Variants in CTNNA3 observed in about 807,000 individuals in gnomAD.
The protein encoded by CTNNA3 is catenin alpha-3.
CTNNA3 carries 76 observed loss-of-function variants against 95.7 expected under a neutral mutation model. The observed-to-expected ratio is 0.79, with a 90% CI of 0.66 to 0.96. The LOEUF is 0.96. Among genes scored for constraint, CTNNA3 ranks in the 40% least tolerant of loss-of-function variants. The pLI, the probability that CTNNA3 is intolerant of heterozygous loss-of-function variation, is 0.00. For synonymous variants in CTNNA3, 431 were observed against 374.4 expected (o/e 1.15, Z -1.74); for missense variants, 1,191 against 1,089.8 (o/e 1.09, Z -1.31).
chr10:66,918,717 T>G (rs982243211), intron 7 of CTNNA3, among the ~76,000 whole-genome samples: 2 of 152,186 alleles, frequency 1.3e-5, no homozygotes, highest in African/African-American at 2.4e-5. Flanking sequence ...CAAACCTACT[T>G]GAAGAACTTG....
At chr10:66,750,186 TTA>T (rs1440998941) in intron 9 of CTNNA3, among the ~76,000 whole-genome samples, 2 of 152,350 alleles carry the variant, frequency 1.3e-5, no homozygotes, top group East Asian at 3.9e-4. Flanking sequence ...TCTCTTCATA[TTA>T]TCTTTTGCAG....
At chr10:66,583,811 A>AT (rs1171742612) in intron 10 of CTNNA3, among the ~76,000 whole-genome samples, 15 of 151,746 alleles carry the variant, frequency 9.9e-5, no homozygotes, top group Middle Eastern at 3.4e-3. Context: ...TGATGTTGGC[A>AT]TTTTGCACTA....
chr10:66,800,363 T>C (rs1841384586), intron 7 of CTNNA3, among the ~76,000 whole-genome samples: 2 of 151,256 alleles, frequency 1.3e-5, no homozygotes, highest in Non-Finnish European at 3.0e-5. Context: ...TTTTCTTTCT[T>C]AGTGGTATTT....
chr10:67,357,765 A>G (rs570262738), intron 5 of CTNNA3, among the ~76,000 whole-genome samples: 5 of 152,224 alleles, frequency 3.3e-5, no homozygotes, highest in Admixed American at 1.3e-4. Context: ...ATTACAAAGA[A>G]CAATAAAGGG....
intron 2 of CTNNA3, among the ~76,000 whole-genome samples, chr10:67,627,883 CTA>C (rs1209120299): frequency 6.6e-6 from 1 of 151,558 alleles, no homozygotes; most frequent in Non-Finnish European, 1.5e-5. Context: ...TGATAAACAA[CTA>C]TGTATGGAGT....
chr10:66,745,897 C>A (rs1163167856), intron 9 of CTNNA3, among the ~76,000 whole-genome samples: 1 of 151,978 alleles, frequency 6.6e-6, no homozygotes, highest in Non-Finnish European at 1.5e-5. Context: ...CAGCGCCCGG[C>A]CCACAGACAG....
chr10:67,105,258 T>C lies in CTNNA3; in HGVS notation c.1047+75059A>G, dbSNP rs554150361. 3.3e-5 allele frequency among the ~76,000 whole-genome samples: 5 copies of C among 152,162 alleles called. No homozygotes were observed. In the South Asian group the frequency reaches 6.2e-4, roughly 19 times the overall value. ...AATGATAGATAGATAGATAGATAGA[T>C]AGAATTAATTCTACCAAAAGAGAGA... On this transcript the variant is annotated intron_variant, in intron 7 of 17. Transcript: ENST00000433211.
At chr10:67,352,632 C>T (rs1842676135) in intron 5 of CTNNA3, among the ~76,000 whole-genome samples, 1 of 151,954 alleles carries the variant, frequency 6.6e-6, no homozygotes, top group South Asian at 2.1e-4. Flanking sequence ...TGTATGTTAG[C>T]AGTGATCATA....
intron 5 of CTNNA3, among the ~76,000 whole-genome samples, chr10:67,326,929 C>A (rs1841561764): frequency 6.6e-6 from 1 of 152,092 alleles, no homozygotes; most frequent in Admixed American, 6.6e-5. Context: ...CCTTTTCATT[C>A]TTTTTTCTCT....
At chr10:67,041,210 C>A (rs1188978180) in intron 7 of CTNNA3, among the ~76,000 whole-genome samples, 1 of 152,022 alleles carries the variant, frequency 6.6e-6, no homozygotes, top group Non-Finnish European at 1.5e-5. Flanking sequence ...TCAAACTTGT[C>A]AGAATAGATT....
chr10:66,933,174 C>A (rs1847505325), intron 7 of CTNNA3, among the ~76,000 whole-genome samples: 2 of 152,190 alleles, frequency 1.3e-5, no homozygotes, highest in South Asian at 2.1e-4. Flanking sequence ...AAATCAGTAA[C>A]CTCCATGTTA....
chr10:66,024,182 C>T (rs1272585468), intron 15 of CTNNA3, among the ~76,000 whole-genome samples: 3 of 151,416 alleles, frequency 2.0e-5, no homozygotes, highest in Non-Finnish European at 2.9e-5. Context: ...CTCCGCCTCC[C>T]GGGTTCATGC....
intron 3 of CTNNA3, among the ~76,000 whole-genome samples, chr10:67,577,226 A>C (rs1287006085): frequency 6.6e-6 from 1 of 151,794 alleles, no homozygotes; most frequent in Non-Finnish European, 1.5e-5. Flanking sequence ...TTGTTTCCTG[A>C]CTTTTTAATG....
chr10:67,672,671 G>T (rs1405910496), intron 1 of CTNNA3, among the ~76,000 whole-genome samples: 2 of 152,268 alleles, frequency 1.3e-5, no homozygotes, highest in East Asian at 3.9e-4. Context: ...GATGGTTGTA[G>T]ATATGAGGCA....
At chr10:66,792,949 CAA>C (rs1225074697) in intron 7 of CTNNA3, among the ~76,000 whole-genome samples, 1 of 151,600 alleles carries the variant, frequency 6.6e-6, no homozygotes, top group African/African-American at 2.4e-5. Flanking sequence ...GTATGGGAGA[CAA>C]AAAAATCTTA....
chr10:66,845,713 A>AT (rs1380021748), intron 7 of CTNNA3, among the ~76,000 whole-genome samples: 9,194 of 123,306 alleles, frequency 0.075, 1,213 homozygotes, highest in African/African-American at 0.098. Context: ...CAAAAAAAAA[A>AT]AAAAAAAAAA....
chr10:66,884,568 A>C (rs1844971976), intron 7 of CTNNA3, among the ~76,000 whole-genome samples: 1 of 152,162 alleles, frequency 6.6e-6, no homozygotes, highest in Admixed American at 6.5e-5. Flanking sequence ...TTCCAGTCCC[A>C]GTCAACACTT....
intron 5 of CTNNA3, among the ~76,000 whole-genome samples, chr10:67,290,040 A>T (rs961326686): frequency 1.3e-5 from 2 of 151,978 alleles, no homozygotes; most frequent in Admixed American, 1.3e-4. Context: ...TCCTGGCCTC[A>T]AGTAATCCTC....
At chr10:67,128,300 G>A (rs1249977145) in intron 7 of CTNNA3, among the ~76,000 whole-genome samples, 1 of 152,066 alleles carries the variant, frequency 6.6e-6, no homozygotes, top group Non-Finnish European at 1.5e-5. Flanking sequence ...ATCTAAAAAA[G>A]ATTATTCCAA....
Sources: allele counts gnomAD v4.1 joint callset (sites outside exome capture counted in the v4.1 genomes callset), GRCh38; gene constraint gnomAD v4.1.1; transcripts MANE v1.5; gene names NCBI Gene and HGNC (gene_info 2026-07-23, HGNC 2026-07-21).